Variants in TEK observed in about 807,000 individuals in gnomAD.
TEK encodes the protein TEK receptor tyrosine kinase.
In TEK, 43 loss-of-function variants were observed where a neutral mutation model predicts 131.8. That is an observed-to-expected ratio of 0.33 (90% CI 0.26 to 0.42). TEK has a LOEUF of 0.42. TEK is among the 10% of genes least tolerant of loss of function. The pLI is 1.00. For missense variants in TEK, 1,162 were observed against 1,384.4 expected (o/e 0.84, Z 2.55); for synonymous variants, 580 against 491.6 (o/e 1.18, Z -2.38).
At chr9:27,190,956 T>G (rs1824795675) in intron 10 of TEK, among the ~76,000 whole-genome samples, 1 of 152,124 alleles carries the variant, frequency 6.6e-6, no homozygotes, top group African/African-American at 2.4e-5. Context: ...TCTTTTTGGA[T>G]CTCCAGTCCT....
chr9:27,195,226 C>T (rs993920620), intron 11 of TEK, among the ~76,000 whole-genome samples: 5 of 152,252 alleles, frequency 3.3e-5, no homozygotes, highest in African/African-American at 1.2e-4. Flanking sequence ...GCATGCCTAG[C>T]TGCTGGTTCT....
chr9:27,136,993 G>A (rs944267560), intron 1 of TEK, among the ~76,000 whole-genome samples: 2 of 152,074 alleles, frequency 1.3e-5, no homozygotes, highest in Non-Finnish European at 2.9e-5. Context: ...TCGGCTCACT[G>A]CAACCTCTGC....
chr9:27,116,472 A>G (rs1821561434), intron 1 of TEK, among the ~76,000 whole-genome samples: 1 of 152,268 alleles, frequency 6.6e-6, no homozygotes, highest in African/African-American at 2.4e-5. Flanking sequence ...TACTTTTAGT[A>G]GAGACGGGGC....
chr9:27,135,875 C>A (rs1458418364), intron 1 of TEK, among the ~76,000 whole-genome samples: 1 of 152,114 alleles, frequency 6.6e-6, no homozygotes, highest in Non-Finnish European at 1.5e-5. Context: ...AATATAAATT[C>A]CAAGACTAAA....
intron 2 of TEK, among the ~76,000 whole-genome samples, chr9:27,162,417 C>G (rs1823578998): frequency 6.6e-6 from 1 of 152,194 alleles, no homozygotes; most frequent in African/African-American, 2.4e-5. Flanking sequence ...CAGTTTGACT[C>G]AAACCTCCTT....
chr9:27,225,174 C>A (rs778623182), intron 21 of TEK, among the ~76,000 whole-genome samples: 14 of 151,598 alleles, frequency 9.2e-5, no homozygotes, highest in Non-Finnish European at 2.1e-4. Flanking sequence ...TGAAAATGGC[C>A]ACACTGCCCA....
At chr9:27,218,884 C>CTTGCTGCATAA in intron 20 of TEK, 67 bp downstream of exon 20, 1 of 1,460,770 alleles carries the variant, frequency 6.8e-7, no homozygotes, top group Non-Finnish European at 9.6e-7. Flanking sequence ...CTAGCACTCC[C>CTTGCTGCATAA]TTGCTGCATA....
At chr9:27,132,479 G>T (rs1422574048) in intron 1 of TEK, among the ~76,000 whole-genome samples, 1 of 152,116 alleles carries the variant, frequency 6.6e-6, no homozygotes, top group Admixed American at 6.6e-5. Context: ...AATTAATGCA[G>T]TATTATTATG....
chr9:27,190,110 A>G (rs188635552), intron 9 of TEK, among the ~76,000 whole-genome samples: 41 of 152,300 alleles, frequency 2.7e-4, no homozygotes, highest in African/African-American at 9.9e-4. Context: ...AGAGACATCC[A>G]CAATCAATCT....
chr9:27,111,533 GAA>G lies in TEK; in HGVS notation c.52+1903_52+1904del, dbSNP rs34617595. 3.6e-3 allele frequency among the ~76,000 whole-genome samples: 518 copies of G among 144,440 alleles called. 3 individuals carry two copies. The highest frequency in any genetic ancestry group is 8.3e-3 in the African/African-American group (328 of 39,554). The allele number at this position is 144,440 out of a possible 152,430, so 94.8% of individuals were successfully genotyped here. Reference sequence around the variant, plus strand: ...TTTCTTTTTTCTGAACCCACAGACTGAAAAAAAAAAAAAGCCACTTTTTTTTA... The same window carrying G: ...TTTCTTTTTTCTGAACCCACAGACTGAAAAAAAAAAAGCCACTTTTTTTTA... On this transcript the variant is annotated intron_variant, in intron 1 of 22. Transcript: ENST00000380036.
intron 1 of TEK, among the ~76,000 whole-genome samples, chr9:27,134,802 G>A (rs1822356757): frequency 6.6e-6 from 1 of 152,160 alleles, no homozygotes; most frequent in Admixed American, 6.5e-5. Context: ...AAAAAGAAGA[G>A]AAACCTTAGC....
intron 1 of TEK, among the ~76,000 whole-genome samples, chr9:27,155,014 G>T (rs543688635): frequency 1.3e-5 from 2 of 152,198 alleles, no homozygotes; most frequent in Non-Finnish European, 2.9e-5. Flanking sequence ...CACTGCCACC[G>T]CTGGGAGCTC....
intron 1 of TEK, among the ~76,000 whole-genome samples, chr9:27,134,086 G>A (rs1822327491): frequency 6.6e-6 from 1 of 152,174 alleles, no homozygotes; most frequent in South Asian, 2.1e-4. Context: ...TGTAGAGGCT[G>A]GTAATGCTTA....
chr9:27,126,297 G>A (rs1821986457), intron 1 of TEK, among the ~76,000 whole-genome samples: 1 of 152,120 alleles, frequency 6.6e-6, no homozygotes, highest in Non-Finnish European at 1.5e-5. Context: ...GAAGTAGATG[G>A]CACTTCAGCA....
intron 6 of TEK, among the ~76,000 whole-genome samples, chr9:27,179,749 T>C (rs1240787174): frequency 1.3e-5 from 2 of 148,680 alleles, no homozygotes; most frequent in Non-Finnish European, 3.0e-5. Context: ...TTTCTCTGAC[T>C]CTTTCTGGGT....
At chr9:27,211,548 G>T (rs145794079) in intron 16 of TEK, among the ~76,000 whole-genome samples, 2,858 of 148,850 alleles carry the variant, frequency 0.019, 28 homozygotes, top group Non-Finnish European at 0.029. Context: ...CCCATCCCTG[G>T]GCTCAAGCAG....
At chr9:27,184,488 G>T (rs1234492968) in intron 8 of TEK, among the ~76,000 whole-genome samples, 1 of 152,158 alleles carries the variant, frequency 6.6e-6, no homozygotes, top group Admixed American at 6.6e-5. Context: ...GGAGGAATAT[G>T]TAGAATGTAC....
At chr9:27,109,890 C>T (rs948217591) in intron 1 of TEK, among the ~76,000 whole-genome samples, 7 of 152,176 alleles carry the variant, frequency 4.6e-5, no homozygotes, top group South Asian at 4.2e-4. Context: ...CTTTGAGGAC[C>T]GATTAAATCA....
At chr9:27,119,193 C>T (rs1276203726) in intron 1 of TEK, among the ~76,000 whole-genome samples, 15 of 152,188 alleles carry the variant, frequency 9.9e-5, no homozygotes, top group South Asian at 8.3e-4. Context: ...GACCTGAACC[C>T]GAATCCTGGG....
Sources: allele counts gnomAD v4.1 joint callset (sites outside exome capture counted in the v4.1 genomes callset), GRCh38; gene constraint gnomAD v4.1.1; transcripts MANE v1.5; gene names NCBI Gene and HGNC (gene_info 2026-07-23, HGNC 2026-07-21).